The following TNIK variants were observed in gnomAD, a reference collection of about 807,000 sequenced individuals.
The protein encoded by TNIK is TRAF2 and NCK-interacting protein kinase.
TNIK carries 49 observed loss-of-function variants against 191.3 expected under a neutral mutation model. The ratio of observed to expected loss-of-function variants is 0.26; its 90% CI spans 0.20 to 0.32. The LOEUF is 0.32. Ranked by LOEUF, TNIK falls within the 10% of genes least tolerant of loss-of-function variation. The pLI, the probability that TNIK is intolerant of heterozygous loss-of-function variation, is 1.00. For missense variants in TNIK, 1,155 were observed against 1,702.3 expected, an observed-to-expected ratio of 0.68 and a Z score of 5.66; for synonymous variants, 594 against 600.9, an observed-to-expected ratio of 0.99 and a Z score of 0.17.
chr3:171,400,929 A>G (rs932718420), intron 1 of TNIK, among the ~76,000 whole-genome samples: 1 of 152,200 alleles, frequency 6.6e-6, no homozygotes, highest in Non-Finnish European at 1.5e-5. Flanking sequence ...AGTGGTGTGT[A>G]TACCTGAGTG....
chr3:171,109,425 G>C (rs563671981), intron 19 of TNIK, among the ~76,000 whole-genome samples: 2 of 152,162 alleles, frequency 1.3e-5, no homozygotes, highest in African/African-American at 4.8e-5. Context: ...TGCATATAGA[G>C]GCAGCTGTTG....
chr3:171,263,476 G>A (rs1444072984), intron 2 of TNIK, among the ~76,000 whole-genome samples: 2 of 152,134 alleles, frequency 1.3e-5, no homozygotes, highest in Non-Finnish European at 2.9e-5. Context: ...AAAAAAAGGA[G>A]GGGGTTTTCA....
At chr3:171,140,620 G>A (rs1233409860) in intron 12 of TNIK, 111 bp from the exon 13 acceptor site, 8 of 891,850 alleles carry the variant, frequency 9.0e-6, no homozygotes, top group Middle Eastern at 4.3e-4. Context: ...AATGAGATAT[G>A]CCTAAATGCT....
intron 29 of TNIK, among the ~76,000 whole-genome samples, chr3:171,069,204 C>T (rs558911255): frequency 6.6e-5 from 10 of 152,292 alleles, no homozygotes; most frequent in South Asian, 4.1e-4. Context: ...ACCCTTTGTC[C>T]TTCGGGGCAG....
intron 2 of TNIK, among the ~76,000 whole-genome samples, chr3:171,310,139 C>T (rs930966222): frequency 3.3e-5 from 5 of 151,746 alleles, no homozygotes; most frequent in Non-Finnish European, 7.4e-5. Context: ...TGAAATGATC[C>T]ATGATAAAAG....
intron 1 of TNIK, among the ~76,000 whole-genome samples, chr3:171,374,112 T>C (rs1379738507): frequency 3.3e-5 from 5 of 152,200 alleles, no homozygotes; most frequent in Non-Finnish European, 7.3e-5. Context: ...CTTCAAGACA[T>C]GTATAGTGCA....
chr3:171,147,952 A>G (rs1015673442), intron 12 of TNIK, among the ~76,000 whole-genome samples: 1 of 152,118 alleles, frequency 6.6e-6, no homozygotes, highest in Non-Finnish European at 1.5e-5. Context: ...CCCTCTTTCT[A>G]TCTTTACTTG....
At chr3:171,256,142 G>A (rs553195157) in intron 2 of TNIK, among the ~76,000 whole-genome samples, 1 of 152,146 alleles carries the variant, frequency 6.6e-6, no homozygotes, top group South Asian at 2.1e-4. Flanking sequence ...CCTCTTTTGA[G>A]CATGGCTGTT....
In TNIK at chr3:171,085,107, T is replaced by G. The variant is rs1422109388; in HGVS notation, c.2998+11A>C. 3.1e-6 allele frequency: 5 copies of G among 1,595,472 alleles called. No individual in the cohort carries two copies. The highest frequency in any genetic ancestry group is 4.3e-6 in the Non-Finnish European group (5 of 1,170,448). On this transcript the variant is annotated intron_variant, in intron 25 of 32. Coordinates refer to ENST00000436636, the MANE Select transcript of TNIK (RefSeq NM_015028.4). ...AAGCTGTTTTTTAAACACAGGGCCC[T>G]TCTTGCTTACCTGCGGCTGATGATT...
chr3:171,214,938 G>C (rs1490860468), intron 3 of TNIK, among the ~76,000 whole-genome samples: 4 of 152,148 alleles, frequency 2.6e-5, no homozygotes, highest in Admixed American at 6.6e-5. Flanking sequence ...TTATTGCTTA[G>C]TGTTTGTGGT....
intron 2 of TNIK, among the ~76,000 whole-genome samples, chr3:171,295,537 A>G (rs1752196281): frequency 6.6e-6 from 1 of 152,186 alleles, no homozygotes; most frequent in Non-Finnish European, 1.5e-5. Flanking sequence ...CAGCTTTGTA[A>G]TCACAATTTA....
intron 27 of TNIK, among the ~76,000 whole-genome samples, chr3:171,080,498 A>T (rs1030117554): frequency 4.6e-5 from 7 of 151,820 alleles, no homozygotes; most frequent in Non-Finnish European, 8.8e-5. Flanking sequence ...GTCCAGTGGC[A>T]TGATCTCGGC....
At chr3:171,365,447 G>A (rs944756196) in intron 2 of TNIK, among the ~76,000 whole-genome samples, 1 of 152,008 alleles carries the variant, frequency 6.6e-6, no homozygotes, top group African/African-American at 2.4e-5. Flanking sequence ...CTCCCAAAGT[G>A]CTGGGATTAC....
intron 2 of TNIK, among the ~76,000 whole-genome samples, chr3:171,336,635 G>A (rs913200959): frequency 6.6e-6 from 1 of 152,136 alleles, no homozygotes; most frequent in Non-Finnish European, 1.5e-5. Flanking sequence ...CTGCTTGAGA[G>A]GTAGGCAAAG....
chr3:171,370,742 CT>C, intron 1 of TNIK, among the ~76,000 whole-genome samples: 1 of 152,248 alleles, frequency 6.6e-6, no homozygotes, highest in Non-Finnish European at 1.5e-5. Context: ...CACTTGTTGT[CT>C]TGTCAACATA....
At chr3:171,185,177 C>CTG (rs879495222) in intron 7 of TNIK, among the ~76,000 whole-genome samples, 53 of 118,030 alleles carry the variant, frequency 4.5e-4, no homozygotes, top group African/African-American at 1.9e-3. Context: ...TATAGATTTC[C>CTG]CGTGTGTGTG....
intron 32 of TNIK, 124 bp downstream of exon 32, chr3:171,066,063 A>G: frequency 7.8e-7 from 1 of 1,288,706 alleles, no homozygotes; most frequent in Non-Finnish European, 1.1e-6. Flanking sequence ...ATGCCATTTC[A>G]AGATAATATT....
At chr3:171,344,270 A>T (rs1490524341) in intron 2 of TNIK, among the ~76,000 whole-genome samples, 1 of 152,208 alleles carries the variant, frequency 6.6e-6, no homozygotes, top group Non-Finnish European at 1.5e-5. Flanking sequence ...CCCAAAGGAC[A>T]AGATTTGACC....
At chr3:171,458,294 A>G (rs1460960953) in intron 1 of TNIK, among the ~76,000 whole-genome samples, 1 of 152,070 alleles carries the variant, frequency 6.6e-6, no homozygotes, top group African/African-American at 2.4e-5. Context: ...AGGAAGCCAC[A>G]GACCTGGCCA....
Sources: gnomAD v4.1 joint callset for allele counts (sites outside exome capture counted in the v4.1 genomes callset) on GRCh38, gnomAD v4.1.1 for gene constraint, MANE v1.5 for transcripts, NCBI Gene and HGNC (gene_info 2026-07-23, HGNC 2026-07-21) for gene names.